MAST2: variants seen among roughly 807,000 people sequenced by gnomAD.
The protein encoded by MAST2 is microtubule-associated serine/threonine-protein kinase 2.
MAST2 carries 70 observed loss-of-function variants against 147.4 expected under a neutral mutation model. The ratio of observed to expected loss-of-function variants is 0.47; its 90% CI spans 0.39 to 0.58. The LOEUF is 0.58. Ranked by LOEUF, MAST2 falls within the 20% of genes least tolerant of loss-of-function variation. The pLI is 0.00. For synonymous variants in MAST2, 869 were observed against 896.8 expected (o/e 0.97, Z 0.55); for missense variants, 2,080 against 2,302.3 (o/e 0.90, Z 1.98).
At chr1:45,943,635 C>T (rs1267584999) in intron 4 of MAST2, among the ~76,000 whole-genome samples, 1 of 152,118 alleles carries the variant, frequency 6.6e-6, no homozygotes, top group Non-Finnish European at 1.5e-5. Context: ...ATCCCGGCTA[C>T]TCAGGAAGGC....
chr1:46,025,953 A>G (rs770319493), intron 16 of MAST2, 138 bp downstream of exon 16: 9 of 1,091,994 alleles, frequency 8.2e-6, no homozygotes, highest in African/African-American at 3.1e-5. Flanking sequence ...ATCTGGGCCT[A>G]GTTCTCTAGC....
At chr1:45,873,042 A>C (rs1646460676) in intron 3 of MAST2, among the ~76,000 whole-genome samples, 1 of 152,162 alleles carries the variant, frequency 6.6e-6, no homozygotes, top group Non-Finnish European at 1.5e-5. Flanking sequence ...GAGACTGTTA[A>C]AACAATATAC....
chr1:46,032,493 G>A (rs970756506), intron 25 of MAST2, 89 bp downstream of exon 25: 9 of 1,595,424 alleles, frequency 5.6e-6, no homozygotes, highest in African/African-American at 1.3e-5. Flanking sequence ...CTGCTCGGGG[G>A]TCAAAGGGTG....
chr1:45,927,568 A>T (rs4279789), intron 4 of MAST2, among the ~76,000 whole-genome samples: 1 of 152,252 alleles, frequency 6.6e-6, no homozygotes, highest in Non-Finnish European at 1.5e-5. Flanking sequence ...GTTCTGCCTG[A>T]CTCACCGGCG....
At chr1:45,913,161 C>T (rs1465306674) in intron 4 of MAST2, among the ~76,000 whole-genome samples, 2 of 152,140 alleles carry the variant, frequency 1.3e-5, no homozygotes, top group African/African-American at 4.8e-5. Context: ...TGAAGGAGTA[C>T]AGTTTAGTTA....
chr1:46,011,031 C>G (rs538337567), intron 10 of MAST2, 92 bp downstream of exon 10: 3 of 1,083,344 alleles, frequency 2.8e-6, no homozygotes, highest in African/African-American at 3.1e-5. Flanking sequence ...GTGGTATTCT[C>G]AGTCTTCACA....
chr1:45,928,119 A>T (rs1477114257), intron 4 of MAST2, among the ~76,000 whole-genome samples: 1 of 152,224 alleles, frequency 6.6e-6, no homozygotes, highest in Non-Finnish European at 1.5e-5. Context: ...AAAGACTCAT[A>T]CTACATCCCC....
chr1:45,804,654 G>A (rs1041909921), intron 1 of MAST2, among the ~76,000 whole-genome samples: 1 of 152,172 alleles, frequency 6.6e-6, no homozygotes, highest in African/African-American at 2.4e-5. Context: ...AACAGAATTC[G>A]TAGATATATG....
intron 4 of MAST2, among the ~76,000 whole-genome samples, chr1:45,929,530 C>G (rs993483712): frequency 2.0e-5 from 3 of 152,192 alleles, no homozygotes; most frequent in African/African-American, 7.2e-5. Context: ...TATGTAGACT[C>G]TGGGACTCTG....
chr1:45,976,052 G>A (rs1043714926), intron 5 of MAST2, among the ~76,000 whole-genome samples: 6 of 150,810 alleles, frequency 4.0e-5, no homozygotes, highest in East Asian at 2.0e-4. Context: ...TCGGCTCACC[G>A]CAACCTCCAC....
At chr1:46,013,341 C>T (rs747332423) in intron 10 of MAST2, among the ~76,000 whole-genome samples, 1 of 152,038 alleles carries the variant, frequency 6.6e-6, no homozygotes, top group Non-Finnish European at 1.5e-5. Context: ...CAAACATTGA[C>T]TGACATCTGC....
chr1:45,845,762 A>G (rs1645410825), intron 3 of MAST2, among the ~76,000 whole-genome samples: 1 of 152,204 alleles, frequency 6.6e-6, no homozygotes, highest in Non-Finnish European at 1.5e-5. Context: ...GAAATTCTTT[A>G]TCCTCTTTTT....
chr1:46,019,882 A>G (rs1321507854), intron 11 of MAST2, among the ~76,000 whole-genome samples, 185 bp downstream of exon 11: 2 of 152,206 alleles, frequency 1.3e-5, no homozygotes, highest in Non-Finnish European at 2.9e-5. Context: ...TATGGTCCTG[A>G]GGGGATGCGG....
intron 5 of MAST2, among the ~76,000 whole-genome samples, chr1:45,979,268 C>T (rs934088529): frequency 1.3e-5 from 2 of 152,142 alleles, no homozygotes; most frequent in Non-Finnish European, 2.9e-5. Flanking sequence ...AATGAAGCAG[C>T]TGATTCAAGG....
At chr1:45,959,305 C>T in intron 4 of MAST2, 81 bp from the exon 5 acceptor site, 2 of 1,069,502 alleles carry the variant, frequency 1.9e-6, no homozygotes. Flanking sequence ...TGGTGTCCCT[C>T]TTTAGTTCCT....
At chr1:45,985,953 C>A (rs1285166929) in intron 5 of MAST2, among the ~76,000 whole-genome samples, 1 of 152,180 alleles carries the variant, frequency 6.6e-6, no homozygotes, top group Non-Finnish European at 1.5e-5. Context: ...TGCAGCCTTG[C>A]TAACTCTCTT....
chr1:45,955,227 C>T (rs1185939796), intron 4 of MAST2, among the ~76,000 whole-genome samples: 1 of 152,046 alleles, frequency 6.6e-6, no homozygotes, highest in Non-Finnish European at 1.5e-5. Context: ...CCAGGACCCA[C>T]ACGGATACCA....
chr1:45,936,122 C>A (rs1656153404), intron 4 of MAST2, among the ~76,000 whole-genome samples: 1 of 152,110 alleles, frequency 6.6e-6, no homozygotes, highest in African/African-American at 2.4e-5. Context: ...CCCTCTTTAG[C>A]CATATTCTTA....
At position 45,824,542 on chromosome 1, in the gene MAST2, G is replaced by T. The variant is rs770280032; in HGVS notation, c.287G>T (p.Cys96Phe). 2.5e-6 allele frequency: 4 copies of T among 1,608,846 alleles called. No homozygotes were observed. Among genetic ancestry groups the T allele is most frequent in the Non-Finnish European group, 2.5e-6 (3 of 1,176,958 alleles). The change falls in exon 2 of 29, where the codon TGT (cysteine) becomes TTT (phenylalanine). Residue 96 changes from cysteine (C) to phenylalanine (F), a missense_variant. Coordinates refer to ENST00000361297, the MANE Select transcript of MAST2 (RefSeq NM_015112.3). ...CAGCGACAACTGAGTCAGGATGATT[G>T]TAAGTTATGGAGAGGAAACCTGGCC... ...KLQRQLSQDD[C>F]KLWRGNLASS...
Sources: gnomAD v4.1 joint callset for allele counts (sites outside exome capture counted in the v4.1 genomes callset) on GRCh38, gnomAD v4.1.1 for gene constraint, MANE v1.5 for transcripts, NCBI Gene and HGNC (gene_info 2026-07-23, HGNC 2026-07-21) for gene names.